Variants in ID1 observed in about 807,000 individuals in gnomAD.
ID1 encodes the protein inhibitor of DNA binding 1.
A neutral mutation model predicts 11.3 loss-of-function variants in ID1; 8 were observed. That is an observed-to-expected ratio of 0.71 (90% CI 0.42 to 1.28). The LOEUF (loss-of-function observed/expected upper bound fraction) is 1.28, where lower values mean the gene tolerates loss of function less well. Ranked by LOEUF, ID1 falls within the 50% of genes most tolerant of loss-of-function variation. The probability of loss-of-function intolerance (pLI) is 0.01; values close to 1 mark genes in which losing one functional copy is unlikely to be tolerated. For synonymous variants in ID1, 176 were observed against 100.2 expected, an observed-to-expected ratio of 1.76 and a Z score of -4.52; for missense variants, 347 against 219.8, an observed-to-expected ratio of 1.58 and a Z score of -3.66.
chr20:31,606,380 T>G lies in ID1; in HGVS notation c.*286T>G, dbSNP rs1986114669. ...GCAGACATTTTAAAAAATGGTCACG[T>G]TTGGTGCTTCTCAGATTTCTGAGGA... On this transcript the variant is annotated 3_prime_UTR_variant, in exon 2 of 2. Transcript: ENST00000376112. 1.9e-6 allele frequency: 1 copy of G among 532,158 alleles called. No individual in the cohort carries two copies. The highest frequency in any genetic ancestry group is 3.4e-6 in the Non-Finnish European group (1 of 291,716). 33.0% of individuals were successfully genotyped at this position (532,158 alleles called of 1,614,324 possible). A position where few individuals can be genotyped will look rare whatever the true frequency, so the allele number is the denominator to read the frequency against.
At position 31,605,311 on chromosome 20, in the gene ID1, A is replaced by AT; in HGVS notation, c.-73dup. 1 of 1,372,312 alleles carries AT rather than the reference A, an allele frequency of 7.3e-7. No individual in the cohort carries two copies. The highest frequency in any genetic ancestry group is 1.0e-6 in the Non-Finnish European group (1 of 1,004,934). The allele number at this position is 1,372,312 out of a possible 1,614,324, so 85.0% of individuals were successfully genotyped here. A position where few individuals can be genotyped will look rare whatever the true frequency, so the allele number is the denominator to read the frequency against. ...CTCATTCCACGTTCTTAACTGTTCC[A>AT]TTTTCCGTATCTGCTTCGGGCTTCC... On this transcript the variant is annotated 5_prime_UTR_variant, in exon 1 of 2. Transcript: ENST00000376112.
intron 1 of ID1, 90 bp downstream of exon 1, chr20:31,605,903 C>A: frequency 6.3e-7 from 1 of 1,582,834 alleles, no homozygotes; most frequent in Non-Finnish European, 8.6e-7. Context: ...CACTTCCGTC[C>A]CATCCTTGCG....
Position 31,606,106 on chromosome 20 carries a change from C to G in ID1, c.*12C>G, listed in dbSNP as rs1315246599. ...TCTTGTGTCGCTGAAGCGCCTCCCC[C>G]AGGGACCGGCGGACCCCAGCCATCC... is the stretch of plus-strand genomic sequence containing the variant. On this transcript the variant is annotated 3_prime_UTR_variant, in exon 2 of 2. Coordinates refer to ENST00000376112, the MANE Select transcript of ID1 (RefSeq NM_002165.4). The G allele has an allele frequency of 1.9e-6, 3 of 1,607,852 alleles. No individual in the cohort carries two copies. The highest frequency in any genetic ancestry group is 1.3e-5 in the African/African-American group (1 of 75,060).
rs202207220 is a variant in ID1, at chr20:31,605,510, C to T, written c.123C>T (p.Ala41=). 5 of 1,588,172 alleles carry T rather than the reference C, an allele frequency of 3.1e-6. No individual in the cohort carries two copies. The African/African-American group carries it at 4.0e-5, about 13-fold the overall frequency. The change falls in exon 1 of 2, where the codon GCC becomes GCT. Residue 41 remains alanine, a synonymous_variant. Transcript: ENST00000376112. ...GCTGTCTGTCTGAGCAGAGCGTGGCCATCTCGCGCTGCGCCGGGGGCGCCG... is the reference window on the plus strand; with the variant it reads ...GCTGTCTGTCTGAGCAGAGCGTGGCTATCTCGCGCTGCGCCGGGGGCGCCG... ...VVRCLSEQSV[A]ISRCAGGAGA...
Position 31,606,451 on chromosome 20 carries a change from T to G in ID1, c.*357T>G. 3.4e-6 allele frequency: 1 copy of G among 293,192 alleles called. No individual in the cohort carries two copies. The highest frequency in any genetic ancestry group is 6.8e-6 in the Non-Finnish European group (1 of 147,136). 18.2% of individuals were successfully genotyped at this position (293,192 alleles called of 1,614,324 possible). A position where few individuals can be genotyped will look rare whatever the true frequency, so the allele number is the denominator to read the frequency against. ...TACAATGATCACCGACTGAAAATAT[T>G]GTTTTACAATAGTTCTGTGGGGCTG... On this transcript the variant is annotated 3_prime_UTR_variant, in exon 2 of 2. Transcript: ENST00000376112.
Position 31,605,744 on chromosome 20 carries a change from G to A in ID1, c.357G>A (p.Gly119=), listed in dbSNP as rs747726016. Residue 119 remains glycine (G), a synonymous_variant, in exon 1 of 2, where the codon GGG becomes GGA. Transcript: ENST00000376112. ...CGGAATCCGAAGTTGGAACCCCCGG[G>A]GGCCGAGGGCTGCCGGTCCGGGCTC... is the stretch of plus-strand genomic sequence containing the variant. ...LNSESEVGTP[G]GRGLPVRAPL... is the part of the protein sequence containing the mutation. The A allele has an allele frequency of 1.2e-6, 2 of 1,610,518 alleles. No individual in the cohort carries two copies. Among genetic ancestry groups the A allele is most frequent in the Non-Finnish European group, 8.5e-7 (1 of 1,178,488 alleles).
At position 31,606,376 on chromosome 20, in the gene ID1, C is replaced by T. The variant is rs546149712; in HGVS notation, c.*282C>T. ...AAAAGCAGACATTTTAAAAAATGGT[C>T]ACGTTTGGTGCTTCTCAGATTTCTG... On this transcript the variant is annotated 3_prime_UTR_variant, in exon 2 of 2. Coordinates refer to ENST00000376112, the MANE Select transcript of ID1 (RefSeq NM_002165.4). 6 of 540,992 alleles carry T rather than the reference C, an allele frequency of 1.1e-5. No individual in the cohort carries two copies. The African/African-American group carries it at 1.1e-4, about 10-fold the overall frequency. 33.5% of individuals were successfully genotyped at this position (540,992 alleles called of 1,614,324 possible). A position where few individuals can be genotyped will look rare whatever the true frequency, so the allele number is the denominator to read the frequency against.
Position 31,605,814 on chromosome 20 carries a change from G to A in ID1, c.426+1G>A. The stretch of plus-strand genomic sequence containing the variant: ...CGAGATCAGCGCCCTGACGGCCGAG[G>A]TGAGATCCAGATCCGACCACTAGAT... On this transcript the variant is annotated splice_donor_variant, in intron 1 of 1. Coordinates refer to ENST00000376112, the MANE Select transcript of ID1 (RefSeq NM_002165.4). LOFTEE classifies it high-confidence loss of function. The A allele has an allele frequency of 6.2e-7, 1 of 1,611,408 alleles. No individual in the cohort carries two copies. The highest frequency in any genetic ancestry group is 8.5e-7 in the Non-Finnish European group (1 of 1,178,944).
chr20:31,605,328 C>CA lies in ID1; in HGVS notation c.-60_-59insA. On this transcript the variant is annotated 5_prime_UTR_variant, in exon 1 of 2. Transcript: ENST00000376112. ...ACTGTTCCATTTTCCGTATCTGCTT[C>CA]GGGCTTCCACCTCATTTTTTTCGCT... 1 of 1,474,482 alleles carries CA rather than the reference C, an allele frequency of 6.8e-7. No homozygotes were observed. The highest frequency in any genetic ancestry group is 9.2e-7 in the Non-Finnish European group (1 of 1,090,500). The allele number at this position is 1,474,482 out of a possible 1,614,324, so 91.3% of individuals were successfully genotyped here.
At chr20:31,605,960 C>A in intron 1 of ID1, 93 bp from the exon 2 acceptor site, 1 of 1,603,994 alleles carries the variant, frequency 6.2e-7, no homozygotes, top group South Asian at 1.1e-5. Flanking sequence ...AAAAAGCGCT[C>A]CCCCGTCGTG....
Position 31,606,326 on chromosome 20 carries a change from T to A in ID1, c.*232T>A, listed in dbSNP as rs1307088207. ...CACCAGAGACTTTAGGGGGTGGGAT[T>A]CCACTCGTGTGTTTCTATTTTTTGA... On this transcript the variant is annotated 3_prime_UTR_variant, in exon 2 of 2. Coordinates refer to ENST00000376112, the MANE Select transcript of ID1 (RefSeq NM_002165.4). 3.5e-6 allele frequency: 2 copies of A among 573,672 alleles called. No individual in the cohort carries two copies. Among genetic ancestry groups the A allele is most frequent in the Non-Finnish European group, 6.3e-6 (2 of 315,626 alleles). 35.5% of individuals were successfully genotyped at this position (573,672 alleles called of 1,614,324 possible).
chr20:31,606,320 T>G lies in ID1; in HGVS notation c.*226T>G. The G allele has an allele frequency of 1.7e-6, 1 of 580,500 alleles. No homozygotes were observed. Among genetic ancestry groups the G allele is most frequent in the Non-Finnish European group, 3.1e-6 (1 of 319,030 alleles). 36.0% of individuals were successfully genotyped at this position (580,500 alleles called of 1,614,324 possible). A position where few individuals can be genotyped will look rare whatever the true frequency, so the allele number is the denominator to read the frequency against. ...ACTAGTCACCAGAGACTTTAGGGGG[T>G]GGGATTCCACTCGTGTGTTTCTATT... On this transcript the variant is annotated 3_prime_UTR_variant, in exon 2 of 2. Transcript: ENST00000376112.
intron 1 of ID1, 50 bp from the exon 2 acceptor site, chr20:31,606,003 G>T (rs1478724983): frequency 1.2e-6 from 2 of 1,610,124 alleles, no homozygotes; most frequent in East Asian, 2.2e-5. Context: ...GCTGCGCTCG[G>T]AGCGGCGTCC....
At chr20:31,605,876 G>C in intron 1 of ID1, 63 bp downstream of exon 1, 1 of 1,589,956 alleles carries the variant, frequency 6.3e-7, no homozygotes, top group African/African-American at 1.3e-5. Flanking sequence ...GGCCAGAGAG[G>C]GCGTGGGCGC....
chr20:31,606,242 T>C lies in ID1; in HGVS notation c.*148T>C, dbSNP rs1036226010. The C allele has an allele frequency of 1.2e-6, 1 of 814,972 alleles. No individual in the cohort carries two copies. 50.5% of individuals were successfully genotyped at this position (814,972 alleles called of 1,614,324 possible). ...ACTGCGCCCTTAACTGCATCCAGCC[T>C]GGGGCTGAGGCTGAGGCACTGGCGA... On this transcript the variant is annotated 3_prime_UTR_variant, in exon 2 of 2. Coordinates refer to ENST00000376112, the MANE Select transcript of ID1 (RefSeq NM_002165.4).
chr20:31,605,844 C>T (rs769482799), intron 1 of ID1, 31 bp downstream of exon 1: 34 of 1,601,934 alleles, frequency 2.1e-5, no homozygotes, highest in Non-Finnish European at 2.6e-5. Flanking sequence ...CTAGATCATC[C>T]TTATACCGAC....
In ID1 at chr20:31,606,279, T is replaced by G; in HGVS notation, c.*185T>G. ...TGAGGCACTGGCGAGGAGAGGGCGCTCCTCTCTGCACACCTACTAGTCACC... is the reference window on the plus strand; with the variant it reads ...TGAGGCACTGGCGAGGAGAGGGCGCGCCTCTCTGCACACCTACTAGTCACC... On this transcript the variant is annotated 3_prime_UTR_variant, in exon 2 of 2. Transcript: ENST00000376112. The G allele has an allele frequency of 1.6e-6, 1 of 638,254 alleles. No individual in the cohort carries two copies. Among genetic ancestry groups the G allele is most frequent in the South Asian group, 1.9e-5 (1 of 52,458 alleles). The allele number at this position is 638,254 out of a possible 1,614,324, so 39.5% of individuals were successfully genotyped here. A position where few individuals can be genotyped will look rare whatever the true frequency, so the allele number is the denominator to read the frequency against.
chr20:31,605,294 A>G lies in ID1; in HGVS notation c.-94A>G. ...AGCTGTGGCTCCGCACTCTCATTCCACGTTCTTAACTGTTCCATTTTCCGT... is the reference window on the plus strand; with the variant it reads ...AGCTGTGGCTCCGCACTCTCATTCCGCGTTCTTAACTGTTCCATTTTCCGT... On this transcript the variant is annotated 5_prime_UTR_variant, in exon 1 of 2. Coordinates refer to ENST00000376112, the MANE Select transcript of ID1 (RefSeq NM_002165.4). 2.5e-6 allele frequency: 3 copies of G among 1,188,136 alleles called. No individual in the cohort carries two copies. Among genetic ancestry groups the G allele is most frequent in the South Asian group, 1.4e-5 (1 of 69,940 alleles). 73.6% of individuals were successfully genotyped at this position (1,188,136 alleles called of 1,614,324 possible).
rs1452786748 is a variant in ID1 at position 31,605,739 on chromosome 20, C to T, written c.352C>T (p.Pro118Ser). 6.2e-7 allele frequency: 1 copy of T among 1,610,742 alleles called. No homozygotes were observed. Residue 118 changes from proline (P) to serine (S), a missense_variant, in exon 1 of 2, where the codon CCC becomes TCC. Pro to Ser is a moderately conservative substitution (Grantham distance 74). Transcript: ENST00000376112. ...ELNSESEVGTPGGRGLPVRAP... is the reference protein window; with the variant it reads ...ELNSESEVGTSGGRGLPVRAP... ...GAACTCGGAATCCGAAGTTGGAACCCCCGGGGGCCGAGGGCTGCCGGTCCG... is the reference window on the plus strand; with the variant it reads ...GAACTCGGAATCCGAAGTTGGAACCTCCGGGGGCCGAGGGCTGCCGGTCCG...
Sources: allele counts gnomAD v4.1 joint callset, GRCh38; gene constraint gnomAD v4.1.1; transcripts MANE v1.5; gene names NCBI Gene and HGNC (gene_info 2026-07-23, HGNC 2026-07-21).